Variants in CFHR4 observed in about 807,000 individuals in gnomAD.
CFHR4 encodes complement factor H-related protein 4.
In CFHR4, 64 loss-of-function variants were observed where a neutral mutation model predicts 69.3. The ratio of observed to expected loss-of-function variants is 0.92; its 90% CI spans 0.76 to 1.14. CFHR4 has a LOEUF of 1.14. Ranked by LOEUF, CFHR4 falls within the 50% of genes most tolerant of loss-of-function variation. The pLI is 0.00. For synonymous variants in CFHR4, 244 were observed against 237.0 expected, an observed-to-expected ratio of 1.03 and a Z score of -0.27; for missense variants, 636 against 684.9, an observed-to-expected ratio of 0.93 and a Z score of 0.80.
At chr1:196,895,348 A>G (rs1209865112) in intron 1 of CFHR4, among the ~76,000 whole-genome samples, 1 of 151,520 alleles carries the variant, frequency 6.6e-6, no homozygotes, top group Non-Finnish European at 1.5e-5. Flanking sequence ...TATTAATGCC[A>G]TTATTTCTTC....
intron 1 of CFHR4, among the ~76,000 whole-genome samples, chr1:196,894,606 C>T (rs928833284): frequency 6.6e-5 from 10 of 150,996 alleles, no homozygotes; most frequent in Non-Finnish European, 1.2e-4. Flanking sequence ...CGTTTTTTTT[C>T]TTTTAGCGTT....
At chr1:196,903,605 A>G (rs1657740406) in intron 2 of CFHR4, among the ~76,000 whole-genome samples, 1 of 151,180 alleles carries the variant, frequency 6.6e-6, no homozygotes, top group South Asian at 2.1e-4. Flanking sequence ...GTGAGCTGAG[A>G]TTAGACCACT....
intron 3 of CFHR4, among the ~76,000 whole-genome samples, chr1:196,905,847 T>C (rs1558244107): frequency 6.6e-6 from 1 of 151,412 alleles, no homozygotes; most frequent in African/African-American, 2.4e-5. Context: ...AGTAAGTGGG[T>C]GGGCTGAATG....
chr1:196,902,988 A>T (rs148383641), intron 2 of CFHR4, among the ~76,000 whole-genome samples: 1 of 151,578 alleles, frequency 6.6e-6, no homozygotes, highest in East Asian at 1.9e-4. Context: ...TTAATATACT[A>T]TTTTGATCAA....
intron 1 of CFHR4, among the ~76,000 whole-genome samples, chr1:196,895,881 T>G (rs1018839977): frequency 5.9e-5 from 9 of 151,790 alleles, no homozygotes; most frequent in Admixed American, 3.3e-4. Context: ...TGGAATCAGA[T>G]TCTCCTCCTT....
chr1:196,889,412 G>GA (rs1471628040), intron 1 of CFHR4, among the ~76,000 whole-genome samples: 2 of 151,498 alleles, frequency 1.3e-5, no homozygotes, highest in Non-Finnish European at 2.9e-5. Context: ...GAAAAATAGA[G>GA]AAAAACAGTA....
At position 196,918,275 on chromosome 1, in the gene CFHR4, A is replaced by G. The variant is rs755552801; in HGVS notation, c.1606A>G (p.Ile536Val). The G allele has an allele frequency of 2.5e-6, 4 of 1,608,902 alleles. No individual in the cohort carries two copies. Among genetic ancestry groups the G allele is most frequent in the Non-Finnish European group, 3.4e-6 (4 of 1,176,430 alleles). ...NNIQLKGKSDIKYYAKTGDTI... is the reference protein window; with the variant it reads ...NNIQLKGKSDVKYYAKTGDTI... ...CATACAGTTAAAAGGAAAAAGTGAC[A>G]TAAAATATTATGCAAAAACAGGGGA... Residue 536 changes from isoleucine (I) to valine (V), a missense_variant, in exon 10 of 10, where the codon ATA becomes GTA. Physicochemically the swap from Ile to Val is conservative, Grantham distance 29. This residue lies in a region of CFHR4 where 85 missense variants were observed against 79.0 expected (regional missense o/e 1.08). Coordinates refer to ENST00000608469, the MANE Select transcript of CFHR4 (RefSeq NM_001201550.3).
At chr1:196,904,974 T>C in intron 2 of CFHR4, 134 bp from the exon 3 acceptor site, 1 of 871,012 alleles carries the variant, frequency 1.1e-6, no homozygotes, top group South Asian at 2.0e-5. Context: ...TCTAGGAAAC[T>C]TCCAGTTTTG....
In CFHR4 at chr1:196,910,227, C is replaced by T; in HGVS notation, c.800-54C>T. 2.0e-6 allele frequency: 2 copies of T among 980,416 alleles called. 1 individual carries two copies. Among genetic ancestry groups the T allele is most frequent in the South Asian group, 4.3e-5 (2 of 47,044 alleles). 60.7% of individuals were successfully genotyped at this position (980,416 alleles called of 1,614,324 possible). On this transcript the variant is annotated intron_variant, in intron 5 of 9. Coordinates refer to ENST00000608469, the MANE Select transcript of CFHR4 (RefSeq NM_001201550.3). ...TAATCAAAACAGTCATCTCTTATAT[C>T]ATTGTCTGTTACAGTGAAACATTAT... is the stretch of plus-strand genomic sequence containing the variant.
At chr1:196,917,716 C>CTATTAGAAAG (rs1485667014) in intron 9 of CFHR4, among the ~76,000 whole-genome samples, 3 of 151,380 alleles carry the variant, frequency 2.0e-5, no homozygotes, top group Admixed American at 6.6e-5. Context: ...TAATAGATGA[C>CTATTAGAAAG]TATTAGAAAG....
At chr1:196,891,938 A>G (rs1657062593) in intron 1 of CFHR4, among the ~76,000 whole-genome samples, 1 of 151,516 alleles carries the variant, frequency 6.6e-6, no homozygotes, top group African/African-American at 2.4e-5. Context: ...AATACAAACA[A>G]AATGCCACAA....
In CFHR4 at chr1:196,906,885, A is replaced by G. The variant is rs1276980237; in HGVS notation, c.464A>G (p.Glu155Gly). The G allele has an allele frequency of 6.3e-7, 1 of 1,599,368 alleles. No homozygotes were observed. Among genetic ancestry groups the G allele is most frequent in the Non-Finnish European group, 8.5e-7 (1 of 1,175,650 alleles). The change falls in exon 4 of 10, where the codon GAG becomes GGG. Residue 155 changes from glutamate to glycine, a missense_variant. Physicochemically the swap from Glu to Gly is moderately conservative, Grantham distance 98. Coordinates refer to ENST00000608469, the MANE Select transcript of CFHR4 (RefSeq NM_001201550.3). ...CIKFCDMPVF[E>G]NSRAKSNGMW... The stretch of plus-strand genomic sequence containing the variant: ...GAATTTTGTGATATGCCTGTTTTTG[A>G]GAATTCCAGAGCCAAGAGTAATGGC...
chr1:196,904,112 TGGAAG>T (rs1423136827), intron 2 of CFHR4, among the ~76,000 whole-genome samples: 1 of 151,676 alleles, frequency 6.6e-6, no homozygotes, highest in East Asian at 1.9e-4. Context: ...CCTAAGCCTC[TGGAAG>T]GGAAGTCCCT....
At chr1:196,893,485 T>A (rs1371142884) in intron 1 of CFHR4, among the ~76,000 whole-genome samples, 1 of 151,680 alleles carries the variant, frequency 6.6e-6, no homozygotes, top group South Asian at 2.1e-4. Flanking sequence ...AAATTACACA[T>A]ACAAACTTTG....
At chr1:196,897,253 C>T (rs973135668) in intron 1 of CFHR4, among the ~76,000 whole-genome samples, 3 of 151,564 alleles carry the variant, frequency 2.0e-5, no homozygotes, top group African/African-American at 7.3e-5. Context: ...AGCTTGCAGA[C>T]GGGCAGGTGC....
intron 7 of CFHR4, among the ~76,000 whole-genome samples, chr1:196,913,130 A>G (rs1039216153): frequency 6.6e-6 from 1 of 151,606 alleles, no homozygotes; most frequent in Non-Finnish European, 1.5e-5. Flanking sequence ...CATCTCTTAC[A>G]ACTCAATCTG....
rs2124974082 is a variant in CFHR4 at position 196,914,494 on chromosome 1, G to T, written c.1181-1G>T. 1 of 1,604,770 alleles carries T rather than the reference G, an allele frequency of 6.2e-7. No homozygotes were observed. The highest frequency in any genetic ancestry group is 1.1e-5 in the South Asian group (1 of 89,586). On this transcript the variant is annotated splice_acceptor_variant, in intron 7 of 9. Coordinates refer to ENST00000608469, the MANE Select transcript of CFHR4 (RefSeq NM_001201550.3). LOFTEE classifies it high-confidence loss of function. ...CAATCCTCAATTTTATTTTGTTTCA[G>T]AATTTTGTGATATGCCTGTTTTTGA...
At chr1:196,909,957 G>T (rs1006074604) in intron 5 of CFHR4, among the ~76,000 whole-genome samples, 1 of 151,102 alleles carries the variant, frequency 6.6e-6, no homozygotes, top group African/African-American at 2.4e-5. Flanking sequence ...TTCGAGACCA[G>T]CCTGACCAAT....
intron 1 of CFHR4, among the ~76,000 whole-genome samples, chr1:196,895,289 ATC>A (rs1022070370): frequency 6.6e-6 from 1 of 151,364 alleles, no homozygotes; most frequent in Admixed American, 6.6e-5. Flanking sequence ...CTTGATATCT[ATC>A]TCTTTGAGTT....
Sources: allele counts gnomAD v4.1 joint callset (sites outside exome capture counted in the v4.1 genomes callset), GRCh38; gene constraint gnomAD v4.1.1; regional missense constraint gnomAD v4.1.1; transcripts MANE v1.5; gene names NCBI Gene and HGNC (gene_info 2026-07-23, HGNC 2026-07-21).